The following RSRC1 variants were observed in gnomAD, a reference collection of about 807,000 sequenced individuals.
RSRC1 encodes the protein arginine and serine rich coiled-coil 1.
A neutral mutation model predicts 49.1 loss-of-function variants in RSRC1; 39 were observed. The ratio of observed to expected loss-of-function variants is 0.79; its 90% CI spans 0.61 to 1.04. The LOEUF is 1.04. RSRC1 is among the 50% of genes least tolerant of loss of function. The probability of loss-of-function intolerance (pLI) is 0.00; values close to 1 mark genes in which losing one functional copy is unlikely to be tolerated. For synonymous variants in RSRC1, 143 were observed against 130.8 expected (o/e 1.09, Z -0.63); for missense variants, 388 against 402.4 (o/e 0.96, Z 0.31).
At chr3:158,502,274 TTC>T (rs1339361043) in intron 7 of RSRC1, among the ~76,000 whole-genome samples, 1 of 152,244 alleles carries the variant, frequency 6.6e-6, no homozygotes, top group Non-Finnish European at 1.5e-5. Context: ...TACCTGGTAC[TTC>T]TGTCTCACAG....
chr3:158,217,997 G>A (rs1225057177), intron 4 of RSRC1, among the ~76,000 whole-genome samples: 1 of 151,610 alleles, frequency 6.6e-6, no homozygotes, highest in South Asian at 2.1e-4. Context: ...ATCAACAAAG[G>A]CCTCTAGAAT....
intron 4 of RSRC1, among the ~76,000 whole-genome samples, chr3:158,239,627 G>C (rs1352311866): frequency 2.0e-5 from 3 of 152,108 alleles, no homozygotes; most frequent in Non-Finnish European, 2.9e-5. Context: ...CATTGTAAAT[G>C]ATGAGTTAAT....
At chr3:158,504,750 A>G (rs1013597036) in intron 7 of RSRC1, among the ~76,000 whole-genome samples, 1 of 152,238 alleles carries the variant, frequency 6.6e-6, no homozygotes, top group African/African-American at 2.4e-5. Context: ...GAGGCTATAT[A>G]AATACAAAAT....
intron 5 of RSRC1, among the ~76,000 whole-genome samples, chr3:158,331,933 A>G (rs1410391534): frequency 6.6e-6 from 1 of 151,412 alleles, no homozygotes; most frequent in Non-Finnish European, 1.5e-5. Flanking sequence ...CATAATATAT[A>G]TCTTTTAAAG....
At chr3:158,228,085 A>G (rs1722625307) in intron 4 of RSRC1, among the ~76,000 whole-genome samples, 1 of 152,050 alleles carries the variant, frequency 6.6e-6, no homozygotes, top group African/African-American at 2.4e-5. Context: ...AATTAAATTC[A>G]TCGATTTGAA....
chr3:158,520,330 A>G (rs1008167385), intron 7 of RSRC1, among the ~76,000 whole-genome samples: 10 of 152,144 alleles, frequency 6.6e-5, no homozygotes, highest in Non-Finnish European at 1.2e-4. Context: ...TCTCCTAGCA[A>G]TCAGCACATG....
intron 3 of RSRC1, among the ~76,000 whole-genome samples, chr3:158,165,311 A>G (rs1718469914): frequency 6.6e-6 from 1 of 152,198 alleles, no homozygotes; most frequent in Admixed American, 6.6e-5. Flanking sequence ...AGGCTTTGTG[A>G]TAGTTGCATA....
At chr3:158,176,712 A>G (rs375456976) in intron 3 of RSRC1, among the ~76,000 whole-genome samples, 66 of 152,346 alleles carry the variant, frequency 4.3e-4, no homozygotes, top group African/African-American at 1.5e-3. Context: ...AACCTAGGCA[A>G]TACCATTCAG....
chr3:158,450,233 G>T (rs1360966391), intron 6 of RSRC1, among the ~76,000 whole-genome samples: 1 of 151,532 alleles, frequency 6.6e-6, no homozygotes, highest in Non-Finnish European at 1.5e-5. Context: ...GTGGACAAAT[G>T]AAGAAACTAA....
intron 3 of RSRC1, among the ~76,000 whole-genome samples, chr3:158,134,631 TG>T (rs1277541599): frequency 1.3e-5 from 2 of 152,170 alleles, no homozygotes; most frequent in African/African-American, 4.8e-5. Context: ...ATCAGTGAAA[TG>T]TTAGTTGATG....
chr3:158,123,444 C>T (rs1296209620), intron 2 of RSRC1, among the ~76,000 whole-genome samples: 1 of 152,154 alleles, frequency 6.6e-6, no homozygotes, highest in Non-Finnish European at 1.5e-5. Context: ...GCATGTGCCA[C>T]CATGCCTAGC....
chr3:158,299,550 G>A (rs1047187618), intron 5 of RSRC1, among the ~76,000 whole-genome samples: 4 of 151,868 alleles, frequency 2.6e-5, no homozygotes, highest in Non-Finnish European at 5.9e-5. Flanking sequence ...TAGCCAGGCT[G>A]GTCTCAAACA....
chr3:158,472,524 A>T (rs7649463), intron 7 of RSRC1, among the ~76,000 whole-genome samples: 1 of 151,856 alleles, frequency 6.6e-6, no homozygotes, highest in African/African-American at 2.4e-5. Context: ...CCCACTAATG[A>T]GTCATAATGC....
chr3:158,531,356 T>C (rs1014148183), intron 7 of RSRC1, among the ~76,000 whole-genome samples: 3 of 151,818 alleles, frequency 2.0e-5, no homozygotes, highest in African/African-American at 7.3e-5. Context: ...GAATGAGACA[T>C]TTAGTGTGGA....
intron 3 of RSRC1, among the ~76,000 whole-genome samples, chr3:158,161,581 G>A (rs1330377545): frequency 6.6e-6 from 1 of 152,008 alleles, no homozygotes; most frequent in East Asian, 1.9e-4. Flanking sequence ...GGCCAACATG[G>A]TGAAACTCCA....
At chr3:158,350,239 G>C (rs983757748) in intron 5 of RSRC1, among the ~76,000 whole-genome samples, 20 of 145,704 alleles carry the variant, frequency 1.4e-4, no homozygotes, top group Admixed American at 7.0e-4. Context: ...GTACAGTCGT[G>C]TGATCTCAGC....
intron 6 of RSRC1, among the ~76,000 whole-genome samples, chr3:158,395,883 G>A (rs1474890847): frequency 6.6e-6 from 1 of 152,028 alleles, no homozygotes; most frequent in East Asian, 1.9e-4. Context: ...ACAGATTCAT[G>A]TGTATGTTCA....
At chr3:158,119,393 A>G (rs948725906) in intron 1 of RSRC1, among the ~76,000 whole-genome samples, 1 of 152,154 alleles carries the variant, frequency 6.6e-6, no homozygotes, top group African/African-American at 2.4e-5. Flanking sequence ...TCTAGTCTCT[A>G]TCCTTTCAAA....
At chr3:158,439,252 G>A (rs1217452735) in intron 6 of RSRC1, among the ~76,000 whole-genome samples, 1 of 152,144 alleles carries the variant, frequency 6.6e-6, no homozygotes. Context: ...GGAAGACAGT[G>A]TGGCAATTCC....
Sources: allele counts gnomAD v4.1 joint callset (sites outside exome capture counted in the v4.1 genomes callset), GRCh38; gene constraint gnomAD v4.1.1; transcripts MANE v1.5; gene names NCBI Gene and HGNC (gene_info 2026-07-23, HGNC 2026-07-21).